The following ELP4 variants were observed in gnomAD, a reference collection of about 807,000 sequenced individuals.
ELP4 encodes the protein elongator acetyltransferase complex subunit 4.
A neutral mutation model predicts 48.9 loss-of-function variants in ELP4; 51 were observed. The ratio of observed to expected loss-of-function variants is 1.04; its 90% CI spans 0.83 to 1.32. ELP4 has a LOEUF of 1.32. ELP4 is among the 40% of genes most tolerant of loss of function. The pLI is 0.00. For synonymous variants in ELP4, 210 were observed against 189.2 expected (o/e 1.11, Z -0.90); for missense variants, 519 against 514.6 (o/e 1.01, Z -0.08).
At chr11:31,737,168 G>T (rs1186337431) in intron 9 of ELP4, among the ~76,000 whole-genome samples, 1 of 152,148 alleles carries the variant, frequency 6.6e-6, no homozygotes, top group Non-Finnish European at 1.5e-5. Context: ...GTCCTTTGTA[G>T]AGACATGGAT....
chr11:31,667,957 G>A (rs1195217520), intron 9 of ELP4, among the ~76,000 whole-genome samples: 7 of 151,686 alleles, frequency 4.6e-5, no homozygotes, highest in Non-Finnish European at 1.5e-5. Context: ...TTTATTATAG[G>A]GTGCATCTGC....
intron 3 of ELP4, among the ~76,000 whole-genome samples, chr11:31,553,725 A>AACACACACAC (rs56921821): frequency 0.011 from 1,598 of 140,464 alleles, 20 homozygotes; most frequent in African/African-American, 0.03. Context: ...TGCACACACA[A>AACACACACAC]ACACACACAC....
rs780995340 is a variant in ELP4, at chr11:31,509,981, G to C, written c.197G>C (p.Gly66Ala). The C allele has an allele frequency of 6.2e-7, 1 of 1,612,362 alleles. No homozygotes were observed. The highest frequency in any genetic ancestry group is 8.5e-7 in the Non-Finnish European group (1 of 1,179,998). The change falls in exon 1 of 10, where the codon GGG (glycine) becomes GCG (alanine). Residue 66 changes from glycine to alanine, a missense_variant. Gly to Ala is a moderately conservative substitution (Grantham distance 60). Transcript: ENST00000640961. Reference protein sequence around the residue: ...VRNGQLLVSTGLPALDQLLGG... With the variant: ...VRNGQLLVSTALPALDQLLGG... Reference sequence around the variant, plus strand: ...AATGGACAGCTGCTGGTATCAACCGGGCTCCCAGCCCTAGACCAGCTCTTA... The same window carrying C: ...AATGGACAGCTGCTGGTATCAACCGCGCTCCCAGCCCTAGACCAGCTCTTA...
intron 1 of ELP4, chr11:31,512,288 A>T (rs1956023790): frequency 6.6e-6 from 1 of 152,200 alleles, no homozygotes; most frequent in African/African-American, 2.4e-5. Flanking sequence ...AGTAAATATT[A>T]TAGCTTCCGT....
chr11:31,548,740 A>T (rs1288538139), intron 3 of ELP4, among the ~76,000 whole-genome samples: 1 of 152,096 alleles, frequency 6.6e-6, no homozygotes, highest in South Asian at 2.1e-4. Context: ...AAACTATACT[A>T]CAAGGCTACA....
At chr11:31,551,524 A>T (rs903378113) in intron 3 of ELP4, among the ~76,000 whole-genome samples, 1 of 152,196 alleles carries the variant, frequency 6.6e-6, no homozygotes, top group Non-Finnish European at 1.5e-5. Flanking sequence ...TTAGTGCCTC[A>T]AACTAGATCT....
chr11:31,663,439 A>G (rs1592202498), intron 9 of ELP4: 1 of 152,044 alleles, frequency 6.6e-6, no homozygotes, highest in East Asian at 1.9e-4. Flanking sequence ...GTTTTTTATT[A>G]TAATCTACTT....
At chr11:31,757,647 T>C (rs771067425) in intron 9 of ELP4, among the ~76,000 whole-genome samples, 2 of 152,204 alleles carry the variant, frequency 1.3e-5, no homozygotes, top group African/African-American at 2.4e-5. Context: ...AAAACACTTA[T>C]GCATGTGCTC....
At chr11:31,722,174 C>T (rs1484176608) in intron 9 of ELP4, among the ~76,000 whole-genome samples, 2 of 152,082 alleles carry the variant, frequency 1.3e-5, no homozygotes, top group African/African-American at 4.8e-5. Flanking sequence ...CCAACCTGGC[C>T]ATTGGAAGTA....
At chr11:31,732,670 T>C (rs1947218078) in intron 9 of ELP4, among the ~76,000 whole-genome samples, 1 of 152,156 alleles carries the variant, frequency 6.6e-6, no homozygotes, top group Non-Finnish European at 1.5e-5. Flanking sequence ...TACAAGAGAT[T>C]CACTTAGATA....
intron 3 of ELP4, among the ~76,000 whole-genome samples, chr11:31,584,498 TA>T (rs1957441129): frequency 6.6e-6 from 1 of 152,078 alleles, no homozygotes. Context: ...AAATAATTTA[TA>T]ATTTATAGTT....
intron 2 of ELP4, among the ~76,000 whole-genome samples, chr11:31,538,809 G>C (rs1424672071): frequency 6.6e-6 from 1 of 151,994 alleles, no homozygotes; most frequent in Non-Finnish European, 1.5e-5. Flanking sequence ...TTCTATTTTG[G>C]TATTGGGGTA....
intron 9 of ELP4, among the ~76,000 whole-genome samples, chr11:31,782,724 T>C (rs1436309497): frequency 6.6e-6 from 1 of 152,132 alleles, no homozygotes; most frequent in Non-Finnish European, 1.5e-5. Flanking sequence ...ACTATACTTT[T>C]GAAAACATGA....
At chr11:31,633,202 T>C (rs1192215053) in intron 7 of ELP4, 14 of 152,106 alleles carry the variant, frequency 9.2e-5, no homozygotes, top group Non-Finnish European at 1.5e-5. Context: ...ACCCAGACCC[T>C]ACCTGCAAAT....
At chr11:31,649,951 G>C in intron 8 of ELP4, 164 bp from the exon 9 acceptor site, 1 of 446,136 alleles carries the variant, frequency 2.2e-6, no homozygotes, top group South Asian at 6.3e-5. Context: ...GATTACTTGA[G>C]TATAATCACA....
chr11:31,659,134 GA>G (rs1945501752), intron 9 of ELP4, among the ~76,000 whole-genome samples: 1 of 152,054 alleles, frequency 6.6e-6, no homozygotes, highest in African/African-American at 2.4e-5. Flanking sequence ...AAATAATTAA[GA>G]GAAAGTAGAA....
chr11:31,693,277 T>A (rs2134142148), intron 9 of ELP4, among the ~76,000 whole-genome samples: 1 of 152,252 alleles, frequency 6.6e-6, no homozygotes, highest in South Asian at 2.1e-4. Flanking sequence ...TCATTTACAT[T>A]AGGTATATCT....
intron 3 of ELP4, among the ~76,000 whole-genome samples, chr11:31,548,068 A>C (rs1956768421): frequency 6.6e-6 from 1 of 152,206 alleles, no homozygotes; most frequent in African/African-American, 2.4e-5. Context: ...TCCCTTTGAA[A>C]ACGGGCACAA....
At chr11:31,533,016 T>A (rs1230306397) in intron 2 of ELP4, among the ~76,000 whole-genome samples, 1 of 152,122 alleles carries the variant, frequency 6.6e-6, no homozygotes, top group Non-Finnish European at 1.5e-5. Context: ...TCTCAGGTGA[T>A]CCACCCGCCT....
Sources: allele counts gnomAD v4.1 joint callset (sites outside exome capture counted in the v4.1 genomes callset), GRCh38; gene constraint gnomAD v4.1.1; transcripts MANE v1.5; gene names NCBI Gene and HGNC (gene_info 2026-07-23, HGNC 2026-07-21).